The following NT5DC3 variants were observed in gnomAD, a reference collection of about 807,000 sequenced individuals.
The protein encoded by NT5DC3 is 5'-nucleotidase domain-containing protein 3.
NT5DC3 carries 42 observed loss-of-function variants against 67.8 expected under a neutral mutation model. The observed-to-expected ratio is 0.62, with a 90% CI of 0.48 to 0.80. NT5DC3 has a LOEUF of 0.80. Ranked by LOEUF, NT5DC3 falls within the 30% of genes least tolerant of loss-of-function variation. The pLI is 0.00. For missense variants in NT5DC3, 570 were observed against 696.4 expected (o/e 0.82, Z 2.04); for synonymous variants, 237 against 255.6 (o/e 0.93, Z 0.69).
chr12:103,761,275 A>G, the NT5DC3 span: 1 of 1,608,186 alleles, frequency 6.2e-7, no homozygotes, highest in South Asian at 1.1e-5. Context: ...AGTAAAAGCC[A>G]TCAACCCTCT....
At chr12:103,781,933 T>C (rs1307831163) in intron 12 of NT5DC3, among the ~76,000 whole-genome samples, 1 of 152,254 alleles carries the variant, frequency 6.6e-6, no homozygotes, top group Non-Finnish European at 1.5e-5. Flanking sequence ...ATCTTTGCCC[T>C]TGTTTGAGAA....
intron 9 of NT5DC3, among the ~76,000 whole-genome samples, chr12:103,791,988 G>C (rs1044235310): frequency 6.6e-6 from 1 of 152,196 alleles, no homozygotes; most frequent in Non-Finnish European, 1.5e-5. Flanking sequence ...CTGTGCCATA[G>C]GATGCACAGC....
chr12:103,755,599 C>T, the NT5DC3 span: 1 of 1,614,006 alleles, frequency 6.2e-7, no homozygotes, highest in Admixed American at 1.7e-5. Flanking sequence ...CCCTGTGTGC[C>T]TCTGCCCTCC....
chr12:103,765,282 T>G, the NT5DC3 span, among the ~76,000 whole-genome samples: 6 of 152,162 alleles, frequency 3.9e-5, no homozygotes, highest in Middle Eastern at 3.4e-3. Flanking sequence ...CATGAAAGAT[T>G]TACCTGAGGC....
intron 3 of NT5DC3, 108 bp from the exon 4 acceptor site, chr12:103,806,485 C>A: frequency 1.3e-6 from 1 of 764,626 alleles, no homozygotes; most frequent in Non-Finnish European, 2.3e-6. Context: ...GCTGCCCTAA[C>A]AAGGAAGCAC....
At chr12:103,767,090 G>GC (rs1473099687), downstream of NT5DC3, among the ~76,000 whole-genome samples, 19 of 152,158 alleles carry the variant, frequency 1.2e-4, no homozygotes, top group African/African-American at 4.6e-4. Context: ...ATATATCCAA[G>GC]AGACAGAAAT....
chr12:103,815,263 A>G (rs1329266902), intron 1 of NT5DC3, 142 bp from the exon 2 acceptor site: 7 of 563,536 alleles, frequency 1.2e-5, no homozygotes, highest in Non-Finnish European at 2.1e-5. Context: ...AGCCAGCCAC[A>G]AAAGACCACA....
the NT5DC3 span, chr12:103,755,446 G>A: frequency 1.9e-6 from 3 of 1,614,136 alleles, no homozygotes; most frequent in Non-Finnish European, 1.7e-6. Context: ...AATGTGGGAT[G>A]TCTTCTGCTA....
rs192415088 is a variant in NT5DC3 at position 103,805,760 on chromosome 12, C to A, written c.524+562G>T. ...AATCGGGAGGCTGAGGCAGGAGAAT[C>A]ACTTGAATCTGGGAGGCAGAGGCTG... On this transcript the variant is annotated intron_variant, in intron 4 of 13. Coordinates refer to ENST00000392876, the MANE Select transcript of NT5DC3 (RefSeq NM_001031701.3). Among the ~76,000 whole-genome samples, 154 of 143,776 alleles carry A rather than the reference C, an allele frequency of 1.1e-3. 1 individual carries two copies. The highest frequency in any genetic ancestry group is 1.9e-4 in the Non-Finnish European group (13 of 66,868). 94.3% of individuals were successfully genotyped at this position (143,776 alleles called of 152,430 possible).
In NT5DC3 at chr12:103,785,323, A is replaced by T. The variant is rs774463913; in HGVS notation, c.1329+12T>A. 3 of 1,613,080 alleles carry T rather than the reference A, an allele frequency of 1.9e-6. No homozygotes were observed. In the South Asian group the frequency reaches 3.3e-5, roughly 18 times the overall value. On this transcript the variant is annotated intron_variant, in intron 12 of 13. Coordinates refer to ENST00000392876, the MANE Select transcript of NT5DC3 (RefSeq NM_001031701.3). ...AAAGAAAAAGTGAGAGAGAAAAATA[A>T]TATATCCAAACCTGCATCTGTTCCA...
At chr12:103,791,422 T>G (rs1037853883) in intron 9 of NT5DC3, among the ~76,000 whole-genome samples, 2 of 152,036 alleles carry the variant, frequency 1.3e-5, no homozygotes, top group Admixed American at 1.3e-4. Context: ...CTTTGACCAC[T>G]CTGACCCAGC....
At chr12:103,830,019 C>CT (rs1484111313) in intron 1 of NT5DC3, among the ~76,000 whole-genome samples, 1 of 152,216 alleles carries the variant, frequency 6.6e-6, no homozygotes. Flanking sequence ...GTTCAAAACT[C>CT]TATCAGTCTC....
chr12:103,767,879 G>A (rs1354878515), downstream of NT5DC3, among the ~76,000 whole-genome samples: 5 of 151,284 alleles, frequency 3.3e-5, no homozygotes, highest in African/African-American at 9.7e-5. Flanking sequence ...TCAGGAGTTC[G>A]AGACCAGCCT....
chr12:103,810,014 G>A (rs779360999), intron 2 of NT5DC3, among the ~76,000 whole-genome samples: 1 of 152,092 alleles, frequency 6.6e-6, no homozygotes, highest in Non-Finnish European at 1.5e-5. Flanking sequence ...TTTTGGAATT[G>A]CAAAGGATTC....
chr12:103,831,532 C>CA (rs1491155480), intron 1 of NT5DC3, among the ~76,000 whole-genome samples: 2 of 152,214 alleles, frequency 1.3e-5, no homozygotes, highest in East Asian at 1.9e-4. Flanking sequence ...CCTGCCCCCC[C>CA]ACACACAGAA....
the NT5DC3 span, among the ~76,000 whole-genome samples, chr12:103,761,565 C>T: frequency 4.0e-5 from 6 of 151,712 alleles, no homozygotes; most frequent in East Asian, 7.8e-4. Context: ...TGGCCAGGAC[C>T]GCCCAACCCT....
At chr12:103,750,861 C>A in the NT5DC3 span, 1 of 1,173,502 alleles carries the variant, frequency 8.5e-7, no homozygotes, top group East Asian at 2.6e-5. Flanking sequence ...GAGGCCAAGG[C>A]AGATGGATCA....
Position 103,775,445 on chromosome 12 carries a change from T to C in NT5DC3, c.*2384A>G, listed in dbSNP as rs1885311656. On this transcript the variant is annotated 3_prime_UTR_variant, in exon 14 of 14. Transcript: ENST00000392876. ...GCACCTGGTAGGTAATCAATGAATA[T>C]CTGATTAGATAAAAACCAAGAATTA... is the stretch of plus-strand genomic sequence containing the variant. 6.6e-6 allele frequency: 1 copy of C among 152,186 alleles called. No homozygotes were observed. Among genetic ancestry groups the C allele is most frequent in the Admixed American group, 6.5e-5 (1 of 15,284 alleles). The allele number at this position is 152,186 out of a possible 1,614,324, so 9.4% of individuals were successfully genotyped here. A position where few individuals can be genotyped will look rare whatever the true frequency, so the allele number is the denominator to read the frequency against.
At chr12:103,800,605 G>A (rs182919986) in intron 4 of NT5DC3, among the ~76,000 whole-genome samples, 97 of 152,362 alleles carry the variant, frequency 6.4e-4, no homozygotes, top group African/African-American at 2.1e-3. Context: ...AGTGAAATCT[G>A]CCAGCTGAAT....
Sources: allele counts gnomAD v4.1 joint callset (sites outside exome capture counted in the v4.1 genomes callset), GRCh38; gene constraint gnomAD v4.1.1; transcripts MANE v1.5; gene names NCBI Gene and HGNC (gene_info 2026-07-23, HGNC 2026-07-21).